Variants in MPRIP observed in about 807,000 individuals in gnomAD.
The protein encoded by MPRIP is myosin phosphatase Rho-interacting protein.
In MPRIP, 59 loss-of-function variants were observed where a neutral mutation model predicts 234.9. The observed-to-expected ratio is 0.25, with a 90% confidence interval of 0.20 to 0.31. The LOEUF (loss-of-function observed/expected upper bound fraction) is 0.31, where lower values mean the gene tolerates loss of function less well. Ranked by LOEUF, MPRIP falls within the 10% of genes least tolerant of loss-of-function variation. The pLI is 1.00. For missense variants in MPRIP, 2,436 were observed against 3,071.0 expected, an observed-to-expected ratio of 0.79 and a Z score of 4.89; for synonymous variants, 1,144 against 1,263.9, an observed-to-expected ratio of 0.91 and a Z score of 2.01.
intron 16 of MPRIP, chr17:17,170,790 A>G (rs2046116022): frequency 6.6e-6 from 1 of 152,098 alleles, no homozygotes; most frequent in South Asian, 2.1e-4. Context: ...CGTGCTCAAA[A>G]TAGCTGCACA....
chr17:17,065,190 G>A (rs2088984367), intron 1 of MPRIP, among the ~76,000 whole-genome samples: 1 of 152,046 alleles, frequency 6.6e-6, no homozygotes, highest in Non-Finnish European at 1.5e-5. Flanking sequence ...ATATAGTCTA[G>A]ATATTAGTCC....
chr17:17,146,130 G>C (rs771492993), intron 10 of MPRIP, 38 bp downstream of exon 10: 12 of 1,596,914 alleles, frequency 7.5e-6, no homozygotes, highest in Non-Finnish European at 9.4e-6. Flanking sequence ...TGAGGGATCT[G>C]GGGACAGGGT....
At position 17,059,501 on chromosome 17, in the gene MPRIP, G is replaced by A. The variant is rs529889393; in HGVS notation, c.124-16209G>A. Among the ~76,000 whole-genome samples the A allele has an allele frequency of 7.2e-5, 11 of 152,332 alleles. No individual in the cohort carries two copies. The East Asian group carries it at 1.7e-3, about 24-fold the overall frequency. The stretch of plus-strand genomic sequence containing the variant: ...GCAGTTCACTGTTCCAGGCTGCGCC[G>A]CTGCCTTGGGGCCTGCTCGGCTGTG... On this transcript the variant is annotated intron_variant, in intron 1 of 23. Coordinates refer to ENST00000651222, the MANE Select transcript of MPRIP (RefSeq NM_001364716.4).
Position 17,049,880 on chromosome 17 carries a change from C to T in MPRIP, c.123+6909C>T, listed in dbSNP as rs545769508. On this transcript the variant is annotated intron_variant, in intron 1 of 23. Transcript: ENST00000651222. ...ACATAGGAAATTTTAAATTTTCCAG[C>T]GGCTACGTTAAAAAAGTAAAAAGAG... 1.1e-4 allele frequency among the ~76,000 whole-genome samples: 16 copies of T among 152,296 alleles called. No homozygotes were observed. The East Asian group carries it at 2.9e-3, about 28-fold the overall frequency.
At chr17:17,160,832 G>T (rs2045846935) in intron 14 of MPRIP, among the ~76,000 whole-genome samples, 1 of 152,132 alleles carries the variant, frequency 6.6e-6, no homozygotes, top group Non-Finnish European at 1.5e-5. Context: ...GACCCCATGG[G>T]GTGCTTCCTC....
chr17:17,124,239 A>T (rs1362386731), intron 3 of MPRIP, among the ~76,000 whole-genome samples: 1 of 152,198 alleles, frequency 6.6e-6, no homozygotes, highest in Non-Finnish European at 1.5e-5. Flanking sequence ...ACTGCGTAAG[A>T]GGGAAGAGTG....
intron 18 of MPRIP, among the ~76,000 whole-genome samples, chr17:17,173,595 G>C (rs748409282): frequency 9.2e-5 from 14 of 152,212 alleles, no homozygotes; most frequent in African/African-American, 3.4e-4. Context: ...TTCAAAAGTG[G>C]GTTTACTGAA....
At chr17:17,119,756 C>T (rs1399007067) in intron 3 of MPRIP, among the ~76,000 whole-genome samples, 1 of 152,222 alleles carries the variant, frequency 6.6e-6, no homozygotes, top group African/African-American at 2.4e-5. Context: ...CCGCTCAGCC[C>T]CAAAGTTTGC....
At chr17:17,103,126 C>T (rs895976303) in intron 3 of MPRIP, among the ~76,000 whole-genome samples, 2 of 152,204 alleles carry the variant, frequency 1.3e-5, no homozygotes, top group African/African-American at 2.4e-5. Flanking sequence ...GGAGCGAGTA[C>T]TGGACTAAGT....
chr17:17,105,223 C>G (rs949763793), intron 3 of MPRIP, among the ~76,000 whole-genome samples: 1 of 152,204 alleles, frequency 6.6e-6, no homozygotes, highest in African/African-American at 2.4e-5. Context: ...CACCCACCCT[C>G]GTGGTGGGGC....
At chr17:17,105,303 C>T (rs1001639086) in intron 3 of MPRIP, among the ~76,000 whole-genome samples, 1 of 152,188 alleles carries the variant, frequency 6.6e-6, no homozygotes, top group African/African-American at 2.4e-5. Context: ...CCCCAGGCAG[C>T]CCCTGTTGCT....
intron 1 of MPRIP, among the ~76,000 whole-genome samples, chr17:17,071,913 C>T (rs2089203637): frequency 6.6e-6 from 1 of 152,204 alleles, no homozygotes; most frequent in Non-Finnish European, 1.5e-5. Context: ...TCTCCTGCCT[C>T]CCTCCAAAAT....
chr17:17,137,037 C>G (rs2090715335), intron 6 of MPRIP, among the ~76,000 whole-genome samples: 1 of 152,126 alleles, frequency 6.6e-6, no homozygotes, highest in African/African-American at 2.4e-5. Flanking sequence ...TGTATTTTGT[C>G]TAGATTGTTA....
Position 17,146,095 on chromosome 17 carries a change from G to A in MPRIP, c.1560+3G>A, listed in dbSNP as rs747252112. 2 of 1,613,794 alleles carry A rather than the reference G, an allele frequency of 1.2e-6. No homozygotes were observed. The highest frequency in any genetic ancestry group is 1.3e-5 in the African/African-American group (1 of 74,922). ...CTAAGCAGTATGAGGACGGCCAGGT[G>A]AGTGTGCAGGGTTGCCGTGGCCCCT... On this transcript the variant is annotated splice_donor_region_variant and intron_variant, in intron 10 of 23. Coordinates refer to ENST00000651222, the MANE Select transcript of MPRIP (RefSeq NM_001364716.4).
At chr17:17,107,762 T>C (rs2090091413) in intron 3 of MPRIP, among the ~76,000 whole-genome samples, 1 of 152,240 alleles carries the variant, frequency 6.6e-6, no homozygotes, top group Admixed American at 6.5e-5. Flanking sequence ...TGAGTTCCCA[T>C]CTCTCTAGCT....
intron 14 of MPRIP, among the ~76,000 whole-genome samples, chr17:17,160,648 G>A (rs1320001968): frequency 6.6e-6 from 1 of 152,246 alleles, no homozygotes; most frequent in African/African-American, 2.4e-5. Flanking sequence ...GGAACTGCGG[G>A]AACTCTTTTT....
At chr17:17,106,999 T>TGG (rs1038124124) in intron 3 of MPRIP, among the ~76,000 whole-genome samples, 2 of 152,108 alleles carry the variant, frequency 1.3e-5, no homozygotes, top group African/African-American at 4.8e-5. Flanking sequence ...TTTTATTGGG[T>TGG]GGGGAAGTCT....
At chr17:17,171,922 GAC>G in intron 17 of MPRIP, 57 bp downstream of exon 17, 7 of 1,552,516 alleles carry the variant, frequency 4.5e-6, no homozygotes, top group Non-Finnish European at 5.2e-6. Flanking sequence ...TTTTGAGCTA[GAC>G]ACACAACTCA....
chr17:17,068,151 T>C (rs997901525), intron 1 of MPRIP, among the ~76,000 whole-genome samples: 1 of 152,012 alleles, frequency 6.6e-6, no homozygotes, highest in African/African-American at 2.4e-5. Flanking sequence ...GTTTTTTTGT[T>C]TTGTTTTTTG....
Sources: allele counts gnomAD v4.1 joint callset (sites outside exome capture counted in the v4.1 genomes callset), GRCh38; gene constraint gnomAD v4.1.1; transcripts MANE v1.5; gene names NCBI Gene and HGNC (gene_info 2026-07-23, HGNC 2026-07-21).